KCNQ5: variants seen among roughly 807,000 people sequenced by gnomAD.
The protein encoded by KCNQ5 is potassium voltage-gated channel subfamily Q member 5.
KCNQ5 carries 30 observed loss-of-function variants against 98.2 expected under a neutral mutation model. That is an observed-to-expected ratio of 0.31 (90% CI 0.23 to 0.41). KCNQ5 has a LOEUF of 0.41. Among genes scored for constraint, KCNQ5 ranks in the 10% least tolerant of loss-of-function variants. The probability of loss-of-function intolerance (pLI) is 1.00; values close to 1 mark genes in which losing one functional copy is unlikely to be tolerated. For synonymous variants in KCNQ5, 458 were observed against 449.4 expected (o/e 1.02, Z -0.24); for missense variants, 835 against 1,182.5 (o/e 0.71, Z 4.31).
intron 1 of KCNQ5, among the ~76,000 whole-genome samples, chr6:72,988,115 C>T (rs556611430): frequency 6.6e-6 from 1 of 152,260 alleles, no homozygotes; most frequent in South Asian, 2.1e-4. Context: ...TTAAACATTC[C>T]GTCCCTGTTT....
chr6:72,857,532 A>G (rs1777584319), intron 1 of KCNQ5, among the ~76,000 whole-genome samples: 1 of 152,202 alleles, frequency 6.6e-6, no homozygotes, highest in South Asian at 2.1e-4. Flanking sequence ...AGCCTTTTCA[A>G]TTGCCTCAGT....
intron 1 of KCNQ5, among the ~76,000 whole-genome samples, chr6:72,998,439 T>C (rs1041598404): frequency 6.6e-6 from 1 of 152,170 alleles, no homozygotes; most frequent in African/African-American, 2.4e-5. Flanking sequence ...TTCCATTCCA[T>C]TTAAAACATT....
chr6:73,177,500 T>C (rs946025211), intron 11 of KCNQ5, among the ~76,000 whole-genome samples: 1 of 152,218 alleles, frequency 6.6e-6, no homozygotes, highest in African/African-American at 2.4e-5. Context: ...GAAAGGCATG[T>C]ATGGGACCAT....
At chr6:72,803,264 A>T (rs752320383) in intron 1 of KCNQ5, among the ~76,000 whole-genome samples, 1 of 152,190 alleles carries the variant, frequency 6.6e-6, no homozygotes, top group African/African-American at 2.4e-5. Flanking sequence ...TAATTTTTGC[A>T]TATAAAAACC....
chr6:73,075,123 G>A (rs966583580), intron 3 of KCNQ5, among the ~76,000 whole-genome samples: 5 of 151,750 alleles, frequency 3.3e-5, no homozygotes, highest in Non-Finnish European at 7.4e-5. Context: ...CCAACATACA[G>A]AAATTAATAA....
intron 1 of KCNQ5, among the ~76,000 whole-genome samples, chr6:72,808,849 T>C (rs1775083873): frequency 6.6e-6 from 1 of 151,976 alleles, no homozygotes; most frequent in South Asian, 2.1e-4. Context: ...CTCAGGGATC[T>C]AGAACTAGAA....
chr6:73,124,764 G>A (rs1775880702), intron 9 of KCNQ5: 1 of 522,452 alleles, frequency 1.9e-6, no homozygotes, highest in South Asian at 2.4e-5. Flanking sequence ...GGGGAGGAGG[G>A]GAACTGATCT....
intron 1 of KCNQ5, among the ~76,000 whole-genome samples, chr6:72,703,668 G>A (rs372230960): frequency 8.5e-5 from 13 of 152,138 alleles, no homozygotes; most frequent in African/African-American, 2.4e-4. Flanking sequence ...TGGTGTAGAC[G>A]TATGTCAGTA....
chr6:72,740,258 G>A (rs1771061934), intron 1 of KCNQ5, among the ~76,000 whole-genome samples: 2 of 152,144 alleles, frequency 1.3e-5, no homozygotes, highest in African/African-American at 4.8e-5. Flanking sequence ...ACAAATCAGA[G>A]GACCTGTTCT....
At chr6:72,635,715 C>T (rs1408303563) in intron 1 of KCNQ5, among the ~76,000 whole-genome samples, 5 of 125,642 alleles carry the variant, frequency 4.0e-5, no homozygotes, top group African/African-American at 1.2e-4. Flanking sequence ...TGTGCTTCTA[C>T]CTTTCTGGAA....
intron 1 of KCNQ5, among the ~76,000 whole-genome samples, chr6:72,957,560 A>T (rs1030037660): frequency 1.3e-5 from 2 of 152,256 alleles, no homozygotes; most frequent in Admixed American, 1.3e-4. Context: ...GAACATGATC[A>T]TTTTTAAAAT....
At chr6:73,026,084 C>T (rs955845588) in intron 2 of KCNQ5, among the ~76,000 whole-genome samples, 1 of 152,296 alleles carries the variant, frequency 6.6e-6, no homozygotes, top group Admixed American at 6.5e-5. Context: ...CCCTGATCCT[C>T]GGATCATCTC....
In KCNQ5 at chr6:72,788,140, A is replaced by T. The variant is rs1773855977; in HGVS notation, c.398+165553A>T. Among the ~76,000 whole-genome samples the T allele has an allele frequency of 2.0e-5, 3 of 152,306 alleles. No homozygotes were observed. In the South Asian group the frequency reaches 6.2e-4, roughly 32 times the overall value. ...GAACGGATGAATGAGTGGGGAAGAA[A>T]AGTGGGGAAAAAAATACAGGAGGAA... On this transcript the variant is annotated intron_variant, in intron 1 of 13. Transcript: ENST00000370398.
At chr6:72,659,175 AT>A (rs1467515464) in intron 1 of KCNQ5, among the ~76,000 whole-genome samples, 4 of 152,172 alleles carry the variant, frequency 2.6e-5, no homozygotes, top group Non-Finnish European at 5.9e-5. Flanking sequence ...CCACTTTTAA[AT>A]TTCCACCCAT....
At chr6:73,020,046 C>A (rs985080893) in intron 2 of KCNQ5, among the ~76,000 whole-genome samples, 4 of 152,106 alleles carry the variant, frequency 2.6e-5, no homozygotes, top group Non-Finnish European at 5.9e-5. Flanking sequence ...ACTTCTTACA[C>A]CAGATGTGTG....
At chr6:72,935,208 T>A (rs1765861949) in intron 1 of KCNQ5, among the ~76,000 whole-genome samples, 2 of 151,572 alleles carry the variant, frequency 1.3e-5, no homozygotes, top group South Asian at 2.1e-4. Context: ...GTAGCTGAGA[T>A]TACAGGTGCC....
At chr6:72,910,079 AT>A (rs549762595) in intron 1 of KCNQ5, among the ~76,000 whole-genome samples, 2 of 151,968 alleles carry the variant, frequency 1.3e-5, no homozygotes, top group African/African-American at 2.4e-5. Context: ...CAACTCAGTT[AT>A]TTTTTTTACT....
chr6:73,063,081 T>C (rs1044796225), intron 3 of KCNQ5, among the ~76,000 whole-genome samples: 1 of 152,186 alleles, frequency 6.6e-6, no homozygotes. Context: ...ATTTAGTTAA[T>C]GGGAAAATAT....
At chr6:73,142,174 G>T (rs893532087) in intron 10 of KCNQ5, among the ~76,000 whole-genome samples, 1 of 152,136 alleles carries the variant, frequency 6.6e-6, no homozygotes, top group African/African-American at 2.4e-5. Flanking sequence ...CATAAGCTCA[G>T]AAGTGTTATG....
Sources: gnomAD v4.1 joint callset for allele counts (sites outside exome capture counted in the v4.1 genomes callset) on GRCh38, gnomAD v4.1.1 for gene constraint, MANE v1.5 for transcripts, NCBI Gene and HGNC (gene_info 2026-07-23, HGNC 2026-07-21) for gene names.